JHY: variants seen among roughly 807,000 people sequenced by gnomAD.
The protein encoded by JHY is junctional cadherin complex regulator, also known as jhy protein homolog.
JHY carries 69 observed loss-of-function variants against 78.0 expected under a neutral mutation model. That is an observed-to-expected ratio of 0.88 (90% CI 0.73 to 1.08). JHY has a LOEUF of 1.08. Ranked by LOEUF, JHY falls within the 50% of genes least tolerant of loss-of-function variation. JHY has a pLI of 0.00. For missense variants in JHY, 944 were observed against 927.8 expected (o/e 1.02, Z -0.23); for synonymous variants, 368 against 342.6 (o/e 1.07, Z -0.82).
chr11:122,955,611 A>G (rs1017310436), intron 6 of JHY, among the ~76,000 whole-genome samples: 1 of 152,208 alleles, frequency 6.6e-6, no homozygotes, highest in Non-Finnish European at 1.5e-5. Flanking sequence ...AAGAGTTGTC[A>G]TATTCAATTC....
intron 3 of JHY, 47 bp from the exon 4 acceptor site, chr11:122,924,850 A>C: frequency 6.8e-7 from 1 of 1,475,724 alleles, no homozygotes; most frequent in Non-Finnish European, 9.5e-7. Flanking sequence ...TGGCTCTAAG[A>C]CTAAAATGAA....
intron 2 of JHY, among the ~76,000 whole-genome samples, chr11:122,894,739 GT>G (rs1365359317): frequency 2.0e-5 from 3 of 152,078 alleles, no homozygotes; most frequent in African/African-American, 7.2e-5. Context: ...GTATTCTGCA[GT>G]CACAAATCTG....
At chr11:122,901,988 G>A (rs1327571914) in intron 2 of JHY, among the ~76,000 whole-genome samples, 3 of 151,812 alleles carry the variant, frequency 2.0e-5, no homozygotes, top group African/African-American at 7.3e-5. Flanking sequence ...TGTCTTCCAC[G>A]TCCATACCGT....
intron 3 of JHY, among the ~76,000 whole-genome samples, chr11:122,910,595 G>C (rs183340717): frequency 6.6e-6 from 1 of 152,078 alleles, no homozygotes. Context: ...GGGAATGGGC[G>C]GGAGCACAAC....
At position 122,889,945 on chromosome 11, in the gene JHY, C is replaced by A. The variant is rs1364446360; in HGVS notation, c.344+3752C>A. Among the ~76,000 whole-genome samples, 4 of 152,196 alleles carry A rather than the reference C, an allele frequency of 2.6e-5. No individual in the cohort carries two copies. In the East Asian group the frequency reaches 7.7e-4, roughly 29 times the overall value. ...TACTTTTAGTAGAGATGGGGTCTTA[C>A]CACATTGCCCAGGCTGTCCTTGAAC... is the stretch of plus-strand genomic sequence containing the variant. On this transcript the variant is annotated intron_variant, in intron 2 of 8. Coordinates refer to ENST00000227349, the MANE Select transcript of JHY (RefSeq NM_024806.4).
intron 4 of JHY, among the ~76,000 whole-genome samples, chr11:122,931,976 C>G (rs570209398): frequency 3.0e-4 from 45 of 152,250 alleles, no homozygotes; most frequent in African/African-American, 1.1e-3. Flanking sequence ...GACGCAAAAA[C>G]CTACTGCCAT....
At chr11:122,908,902 A>G (rs1863050824) in intron 3 of JHY, among the ~76,000 whole-genome samples, 1 of 152,154 alleles carries the variant, frequency 6.6e-6, no homozygotes, top group South Asian at 2.1e-4. Flanking sequence ...AGGAAATCCT[A>G]GAAATCAGTA....
intron 4 of JHY, among the ~76,000 whole-genome samples, chr11:122,933,334 A>G (rs879768770): frequency 3.3e-5 from 5 of 152,260 alleles, no homozygotes; most frequent in Non-Finnish European, 7.3e-5. Context: ...TTGCAGTTAT[A>G]TAACACACTG....
chr11:122,939,562 A>G (rs1863829546), intron 5 of JHY, among the ~76,000 whole-genome samples: 1 of 152,002 alleles, frequency 6.6e-6, no homozygotes, highest in South Asian at 2.1e-4. Context: ...TCTTTTAAAA[A>G]TCTCTTTATA....
intron 6 of JHY, among the ~76,000 whole-genome samples, chr11:122,953,635 T>C (rs560922661): frequency 1.4e-5 from 2 of 145,278 alleles, no homozygotes; most frequent in South Asian, 4.3e-4. Context: ...AATGAAAAAA[T>C]AAGAATTCAT....
chr11:122,946,016 C>G lies in JHY; in HGVS notation c.1635-482C>G, dbSNP rs546573302. ...ACACAGGACCAAGATCTTGCATATC[C>G]TATACCAGCGTTAACTATTAAAACT... On this transcript the variant is annotated intron_variant, in intron 5 of 8. Coordinates refer to ENST00000227349, the MANE Select transcript of JHY (RefSeq NM_024806.4). Among the ~76,000 whole-genome samples the G allele has an allele frequency of 2.8e-4, 42 of 152,316 alleles. No individual in the cohort carries two copies. The South Asian group carries it at 8.3e-3, about 30-fold the overall frequency.
At chr11:122,901,670 G>A (rs1366259465) in intron 2 of JHY, among the ~76,000 whole-genome samples, 5 of 151,482 alleles carry the variant, frequency 3.3e-5, no homozygotes, top group Non-Finnish European at 5.9e-5. Flanking sequence ...TCAGGAGATC[G>A]AGACCATCCT....
intron 1 of JHY, among the ~76,000 whole-genome samples, chr11:122,884,704 C>T (rs867286116): frequency 6.6e-6 from 1 of 152,174 alleles, no homozygotes; most frequent in South Asian, 2.1e-4. Flanking sequence ...CTCAACTTTC[C>T]CCAGGATAGC....
chr11:122,922,206 A>C (rs1352429724), intron 3 of JHY, among the ~76,000 whole-genome samples: 3 of 152,188 alleles, frequency 2.0e-5, no homozygotes, highest in East Asian at 3.9e-4. Flanking sequence ...AATGTTAAAA[A>C]GTTTTTATTT....
At position 122,902,550 on chromosome 11, in the gene JHY, A is replaced by T. The variant is rs544620203; in HGVS notation, c.345-1375A>T. 7.0e-4 allele frequency among the ~76,000 whole-genome samples: 107 copies of T among 152,280 alleles called. 1 individual carries two copies. In the South Asian group the frequency reaches 0.021, roughly 30 times the overall value. ...CTGAGTGAGACTGGGTAATTTATTT[A>T]AAAAAAGAAGTGTAACTGGCTCACA... On this transcript the variant is annotated intron_variant, in intron 2 of 8. Transcript: ENST00000227349.
chr11:122,922,640 C>T (rs377548598), intron 3 of JHY, among the ~76,000 whole-genome samples: 2 of 151,800 alleles, frequency 1.3e-5, no homozygotes, highest in Admixed American at 6.6e-5. Context: ...GAAACCCCGT[C>T]TCTACTAAAA....
intron 2 of JHY, among the ~76,000 whole-genome samples, chr11:122,890,305 T>C (rs1862584403): frequency 6.6e-6 from 1 of 152,142 alleles, no homozygotes; most frequent in Non-Finnish European, 1.5e-5. Context: ...ATGATCCCAT[T>C]TTGAAGGATG....
intron 2 of JHY, among the ~76,000 whole-genome samples, chr11:122,900,682 C>T (rs1313938467): frequency 1.3e-5 from 2 of 152,078 alleles, no homozygotes; most frequent in African/African-American, 4.8e-5. Flanking sequence ...GCCCCTCCTG[C>T]AGTGTCAAGT....
intron 2 of JHY, among the ~76,000 whole-genome samples, chr11:122,895,952 T>G (rs913979882): frequency 3.9e-5 from 6 of 152,104 alleles, no homozygotes; most frequent in Non-Finnish European, 5.9e-5. Flanking sequence ...AAACATAACC[T>G]CCTATTTGTC....
Sources: allele counts gnomAD v4.1 joint callset (sites outside exome capture counted in the v4.1 genomes callset), GRCh38; gene constraint gnomAD v4.1.1; transcripts MANE v1.5; gene names NCBI Gene and HGNC (gene_info 2026-07-23, HGNC 2026-07-21).